PMFBP1: variants seen among roughly 807,000 people sequenced by gnomAD.
The protein encoded by PMFBP1 is polyamine-modulated factor 1-binding protein 1.
In PMFBP1, 131 loss-of-function variants were observed where a neutral mutation model predicts 137.8. The observed-to-expected ratio is 0.95, with a 90% CI of 0.82 to 1.10. The LOEUF is 1.10. Ranked by LOEUF, PMFBP1 falls within the 50% of genes least tolerant of loss-of-function variation. The pLI is 0.00. For synonymous variants in PMFBP1, 490 were observed against 450.4 expected (o/e 1.09, Z -1.11); for missense variants, 1,199 against 1,175.4 (o/e 1.02, Z -0.29).
At chr16:72,249,568 C>T in the PMFBP1 span, among the ~76,000 whole-genome samples, 5 of 151,856 alleles carry the variant, frequency 3.3e-5, no homozygotes, top group Admixed American at 6.6e-5. Flanking sequence ...GCACTTTACA[C>T]GTTCTTGGGA....
chr16:72,221,918 C>T, the PMFBP1 span, among the ~76,000 whole-genome samples: 2 of 152,154 alleles, frequency 1.3e-5, no homozygotes, highest in African/African-American at 4.8e-5. Context: ...AATATGCCAG[C>T]CTCTTCCCTG....
chr16:72,225,852 T>C, the PMFBP1 span, among the ~76,000 whole-genome samples: 1 of 151,318 alleles, frequency 6.6e-6, no homozygotes, highest in African/African-American at 2.4e-5. Flanking sequence ...TCAATCTAGG[T>C]CACAGATGAA....
chr16:72,165,009 G>A, intron 2 of PMFBP1, 93 bp from the exon 3 acceptor site: 1 of 1,365,014 alleles, frequency 7.3e-7, no homozygotes, highest in Non-Finnish European at 9.7e-7. Flanking sequence ...CTTGAAATTT[G>A]CTGGAAATTT....
upstream of PMFBP1, among the ~76,000 whole-genome samples, chr16:72,180,176 T>C (rs988862237): frequency 6.6e-6 from 1 of 152,174 alleles, no homozygotes; most frequent in Non-Finnish European, 1.5e-5. Context: ...CCATGGTTGC[T>C]GCAGAAAGCC....
At chr16:72,118,814 T>C (rs2042334983), downstream of PMFBP1, among the ~76,000 whole-genome samples, 1 of 152,168 alleles carries the variant, frequency 6.6e-6, no homozygotes, top group Admixed American at 6.5e-5. Context: ...ATACAGCCCT[T>C]ATTGCTCTTC....
chr16:72,180,829 A>C (rs760102574), upstream of PMFBP1, among the ~76,000 whole-genome samples: 1 of 152,232 alleles, frequency 6.6e-6, no homozygotes, highest in African/African-American at 2.4e-5. Context: ...AGGAAACCCC[A>C]GTGCTCCCGT....
chr16:72,238,760 T>C, the PMFBP1 span, among the ~76,000 whole-genome samples: 1 of 152,172 alleles, frequency 6.6e-6, no homozygotes, highest in Non-Finnish European at 1.5e-5. Context: ...GCCTATTTTC[T>C]AAAATAACAA....
intron 7 of PMFBP1, 85 bp from the exon 8 acceptor site, chr16:72,136,904 A>G: frequency 1.0e-5 from 16 of 1,568,210 alleles, no homozygotes; most frequent in Non-Finnish European, 1.3e-5. Context: ...CACAGTCAAC[A>G]GTAAGTAGGG....
upstream of PMFBP1, among the ~76,000 whole-genome samples, chr16:72,177,265 C>T (rs1021542254): frequency 6.6e-6 from 1 of 152,204 alleles, no homozygotes; most frequent in African/African-American, 2.4e-5. Flanking sequence ...TTTCTTTCAA[C>T]TTCCCTAAAC....
At chr16:72,206,501 G>A in the PMFBP1 span, among the ~76,000 whole-genome samples, 2 of 152,264 alleles carry the variant, frequency 1.3e-5, no homozygotes, top group East Asian at 1.9e-4. Context: ...AAATGCATAC[G>A]GCCTTTGTAA....
At chr16:72,147,300 C>G (rs1015194978) in intron 5 of PMFBP1, among the ~76,000 whole-genome samples, 2 of 151,882 alleles carry the variant, frequency 1.3e-5, no homozygotes, top group African/African-American at 4.8e-5. Context: ...ATAAATGGTG[C>G]TGGGAAAACT....
chr16:72,146,360 T>C (rs1597476626), intron 5 of PMFBP1, among the ~76,000 whole-genome samples: 1 of 152,194 alleles, frequency 6.6e-6, no homozygotes, highest in Non-Finnish European at 1.5e-5. Flanking sequence ...AACTAGGTAT[T>C]GATGGGATGT....
chr16:72,185,583 T>C, the PMFBP1 span, among the ~76,000 whole-genome samples: 316 of 152,264 alleles, frequency 2.1e-3, 1 homozygote, highest in Non-Finnish European at 3.1e-3. Flanking sequence ...GCTCCCTTCC[T>C]GATCTGAACG....
chr16:72,181,153 C>A (rs1006318379), upstream of PMFBP1, among the ~76,000 whole-genome samples: 1 of 151,498 alleles, frequency 6.6e-6, no homozygotes, highest in Admixed American at 6.6e-5. Flanking sequence ...GCAGGAGAAT[C>A]GCTTGAACTC....
the PMFBP1 span, among the ~76,000 whole-genome samples, chr16:72,198,427 C>T: frequency 6.6e-6 from 1 of 152,238 alleles, no homozygotes; most frequent in Non-Finnish European, 1.5e-5. Flanking sequence ...AAGGGCTACT[C>T]ACCCGCTTTA....
chr16:72,154,557 C>T (rs2042954354), intron 3 of PMFBP1, 98 bp from the exon 4 acceptor site: 2 of 1,320,488 alleles, frequency 1.5e-6, no homozygotes, highest in Admixed American at 4.5e-5. Flanking sequence ...CATTCACATC[C>T]ATCTATCCAT....
the PMFBP1 span, among the ~76,000 whole-genome samples, chr16:72,237,833 T>C: frequency 6.6e-6 from 1 of 152,182 alleles, no homozygotes; most frequent in Non-Finnish European, 1.5e-5. Flanking sequence ...GTGTTTATTG[T>C]TCCCCTCTAT....
chr16:72,123,466 G>T (rs1567619103), intron 18 of PMFBP1, 80 bp downstream of exon 18: 9 of 1,217,618 alleles, frequency 7.4e-6, no homozygotes, highest in Non-Finnish European at 1.1e-5. Flanking sequence ...GGGTGTGTGT[G>T]ACTAATCTTT....
intron 5 of PMFBP1, among the ~76,000 whole-genome samples, chr16:72,145,978 G>A (rs1392167542): frequency 2.6e-5 from 4 of 152,132 alleles, no homozygotes; most frequent in African/African-American, 9.7e-5. Context: ...CATTCCTTCT[G>A]AAACTATTCC....
Sources: gnomAD v4.1 joint callset for allele counts (sites outside exome capture counted in the v4.1 genomes callset) on GRCh38, gnomAD v4.1.1 for gene constraint, MANE v1.5 for transcripts, NCBI Gene and HGNC (gene_info 2026-07-23, HGNC 2026-07-21) for gene names.